The following RAB6A variants were observed in gnomAD, a reference collection of about 807,000 sequenced individuals.
The protein encoded by RAB6A is ras-related protein Rab-6A.
RAB6A carries 8 observed loss-of-function variants against 32.3 expected under a neutral mutation model. The ratio of observed to expected loss-of-function variants is 0.25; its 90% CI spans 0.15 to 0.45. The LOEUF is 0.45. Ranked by LOEUF, RAB6A falls within the 20% of genes least tolerant of loss-of-function variation. The pLI is 1.00. For missense variants in RAB6A, 104 were observed against 249.4 expected, an observed-to-expected ratio of 0.42 and a Z score of 3.93; for synonymous variants, 73 against 82.1, an observed-to-expected ratio of 0.89 and a Z score of 0.60.
intron 1 of RAB6A, among the ~76,000 whole-genome samples, chr11:73,749,685 GATCT>G (rs1269753475): frequency 1.3e-5 from 2 of 152,132 alleles, no homozygotes; most frequent in Non-Finnish European, 2.9e-5. Context: ...AACAAAGCAA[GATCT>G]ATCTCTATGA....
At chr11:73,684,091 T>A (rs1447258627) in intron 6 of RAB6A, among the ~76,000 whole-genome samples, 1 of 152,122 alleles carries the variant, frequency 6.6e-6, no homozygotes, top group Non-Finnish European at 1.5e-5. Flanking sequence ...CATTATGATT[T>A]GCAGAAGGCT....
At chr11:73,725,037 T>C (rs897701320) in intron 2 of RAB6A, among the ~76,000 whole-genome samples, 3 of 152,178 alleles carry the variant, frequency 2.0e-5, no homozygotes, top group African/African-American at 7.2e-5. Flanking sequence ...AGTTAGGGAT[T>C]GGCTTTTGAT....
At chr11:73,679,553 T>C (rs2134858469) in intron 7 of RAB6A, 101 bp downstream of exon 7, 2 of 1,427,018 alleles carry the variant, frequency 1.4e-6, no homozygotes, top group Middle Eastern at 1.8e-4. Context: ...CATCAGTTCC[T>C]GGTTGTAAAA....
chr11:73,708,417 T>C (rs961211254), intron 5 of RAB6A, among the ~76,000 whole-genome samples: 2 of 152,072 alleles, frequency 1.3e-5, no homozygotes, highest in Non-Finnish European at 2.9e-5. Context: ...GATCCACCCA[T>C]CTCAGCCTAC....
At chr11:73,696,630 C>A (rs1945660436) in intron 6 of RAB6A, among the ~76,000 whole-genome samples, 1 of 151,968 alleles carries the variant, frequency 6.6e-6, no homozygotes, top group Non-Finnish European at 1.5e-5. Context: ...TGATTTCTTT[C>A]CTTTCTTGAG....
chr11:73,733,558 A>T (rs1010078576), intron 1 of RAB6A, among the ~76,000 whole-genome samples: 4 of 140,396 alleles, frequency 2.8e-5, no homozygotes, highest in Non-Finnish European at 4.9e-5. Flanking sequence ...CTCAAAAAAA[A>T]AAAAATAAAT....
In RAB6A at chr11:73,718,674, C is replaced by T; in HGVS notation, c.228G>A (p.Arg76=). The change falls in exon 4 of 8, where the codon AGG becomes AGA. Residue 76 remains arginine, a synonymous_variant. Transcript: ENST00000336083. ...LWDTAGQERF[R]SLIPSYIRDS... is the part of the protein sequence containing the mutation. ...CACGAATGTAGCTAGGAATCAAGCTCCTGAACCGCTCTTGACCTGCTGTGT... is the reference window on the plus strand; with the variant it reads ...CACGAATGTAGCTAGGAATCAAGCTTCTGAACCGCTCTTGACCTGCTGTGT... 1 of 1,614,076 alleles carries T rather than the reference C, an allele frequency of 6.2e-7. No homozygotes were observed.
chr11:73,748,874 C>T (rs1946632938), intron 1 of RAB6A, among the ~76,000 whole-genome samples: 1 of 152,054 alleles, frequency 6.6e-6, no homozygotes, highest in Non-Finnish European at 1.5e-5. Context: ...CCTGTAATTC[C>T]AACACTTTGG....
chr11:73,757,127 ATATTTTTTTTT>A (rs1206368618), intron 1 of RAB6A, among the ~76,000 whole-genome samples: 7 of 38,802 alleles, frequency 1.8e-4, no homozygotes, highest in African/African-American at 6.4e-4. Context: ...ATATATATAT[ATATTTTTTTTT>A]TTTTTTTTTT....
intron 4 of RAB6A, 35 bp from the exon 5 acceptor site, chr11:73,716,397 G>A (rs1259893846): frequency 2.6e-6 from 4 of 1,513,474 alleles, no homozygotes; most frequent in Non-Finnish European, 3.7e-6. Flanking sequence ...GATTAGTGTT[G>A]CTGAAAAATG....
chr11:73,754,884 CA>C (rs34568327), intron 1 of RAB6A, among the ~76,000 whole-genome samples: 134,441 of 148,860 alleles, frequency 0.9, 60,884 homozygotes, highest in East Asian at 1. Flanking sequence ...GGGATGCAGT[CA>C]AAAAAAAAAA....
intron 1 of RAB6A, among the ~76,000 whole-genome samples, chr11:73,733,173 T>TA (rs1275366174): frequency 6.6e-6 from 1 of 152,184 alleles, no homozygotes; most frequent in Non-Finnish European, 1.5e-5. Flanking sequence ...CTTCTGCTGT[T>TA]ACATTGATTT....
intron 1 of RAB6A, among the ~76,000 whole-genome samples, chr11:73,752,717 C>T (rs1173930571): frequency 6.6e-6 from 1 of 151,698 alleles, no homozygotes; most frequent in Non-Finnish European, 1.5e-5. Context: ...ACTCAAGAGG[C>T]CGAGGTGGGA....
At chr11:73,680,986 G>C (rs913297804) in intron 6 of RAB6A, among the ~76,000 whole-genome samples, 1 of 152,112 alleles carries the variant, frequency 6.6e-6, no homozygotes, top group African/African-American at 2.4e-5. Context: ...CCCAATCTTA[G>C]GCATACACCC....
At chr11:73,757,313 AATTTTTGT>A (rs1316950075) in intron 1 of RAB6A, among the ~76,000 whole-genome samples, 1 of 149,410 alleles carries the variant, frequency 6.7e-6, no homozygotes, top group Non-Finnish European at 1.5e-5. Context: ...ATACCTGGAT[AATTTTTGT>A]ATTTTTGTAG....
At chr11:73,743,643 A>C (rs78632411) in intron 1 of RAB6A, among the ~76,000 whole-genome samples, 1 of 152,078 alleles carries the variant, frequency 6.6e-6, no homozygotes, top group African/African-American at 2.4e-5. Context: ...CCAAAAAAAA[A>C]CACTTAATTC....
At chr11:73,744,355 ATTT>A (rs1162034052) in intron 1 of RAB6A, among the ~76,000 whole-genome samples, 16 of 148,998 alleles carry the variant, frequency 1.1e-4, no homozygotes, top group African/African-American at 3.5e-4. Context: ...AAAAAAAAAA[ATTT>A]AAATTAGCCA....
chr11:73,757,158 T>C (rs56371234), intron 1 of RAB6A, among the ~76,000 whole-genome samples: 7,834 of 97,936 alleles, frequency 0.08, 172 homozygotes, highest in South Asian at 0.18. Flanking sequence ...TTTTTTTTTT[T>C]CTTGAGACAG....
At position 73,744,202 on chromosome 11, in the gene RAB6A, G is replaced by T. The variant is rs1048045827; in HGVS notation, c.71-13379C>A. Among the ~76,000 whole-genome samples, 26 of 152,016 alleles carry T rather than the reference G, an allele frequency of 1.7e-4. 1 individual carries two copies. Among genetic ancestry groups the T allele is most frequent in the Admixed American group, 1.4e-3 (22 of 15,244 alleles). ...AAATACAAAAAATTAGCCGGGCATG[G>T]TGGTGGGCGCCTGTAGTCCCAGCTA... On this transcript the variant is annotated intron_variant, in intron 1 of 7. Coordinates refer to ENST00000336083, the MANE Select transcript of RAB6A (RefSeq NM_198896.2).
Sources: gnomAD v4.1 joint callset for allele counts (sites outside exome capture counted in the v4.1 genomes callset) on GRCh38, gnomAD v4.1.1 for gene constraint, MANE v1.5 for transcripts, NCBI Gene and HGNC (gene_info 2026-07-23, HGNC 2026-07-21) for gene names.